ATP7A: variants seen among roughly 807,000 people sequenced by gnomAD.
ATP7A encodes the protein ATPase copper transporting alpha, also known as copper-transporting ATPase 1.
ATP7A carries 7 observed loss-of-function variants against 83.5 expected under a neutral mutation model. That is an observed-to-expected ratio of 0.08 (90% CI 0.05 to 0.16). The LOEUF (loss-of-function observed/expected upper bound fraction) is 0.16, where lower values mean the gene tolerates loss of function less well. Ranked by LOEUF, ATP7A falls within the 10% of genes least tolerant of loss-of-function variation. ATP7A has a pLI of 1.00. For missense variants in ATP7A, 940 were observed against 1,120.8 expected (o/e 0.84, Z 2.30); for synonymous variants, 354 against 395.2 (o/e 0.90, Z 1.24).
chrX:78,011,551 T>C lies in ATP7A; in HGVS notation c.2049T>C (p.His683=). Residue 683 remains histidine, a synonymous_variant, in exon 9 of 23, where the codon CAT becomes CAC. Transcript: ENST00000341514. ...ACCACCACTTTGCAACTCTTCACCA[T>C]AATCAAAACATGAGTAAAGAAGAAA... ...VMDHHFATLH[H]NQNMSKEEMI... 2 of 1,209,170 alleles carry C rather than the reference T, an allele frequency of 1.7e-6. No homozygotes were observed. The highest frequency in any genetic ancestry group is 1.8e-5 in the South Asian group (1 of 56,770).
intron 1 of ATP7A, among the ~76,000 whole-genome samples, chrX:77,958,581 A>T (rs1483286565): frequency 4.5e-5 from 5 of 110,137 alleles, no homozygotes; most frequent in African/African-American, 1.7e-4. Context: ...CTATCTGGGG[A>T]CTTTTGTCAT....
chrX:77,997,494 A>G (rs922629747), intron 4 of ATP7A, among the ~76,000 whole-genome samples: 7 of 112,399 alleles, frequency 6.2e-5, no homozygotes, highest in African/African-American at 1.9e-4. Flanking sequence ...TTTGTCTGCT[A>G]GCTAAATAGA....
intron 5 of ATP7A, 48 bp from the exon 6 acceptor site, chrX:78,003,025 T>G (rs1557233339): frequency 8.9e-7 from 1 of 1,126,136 alleles, no homozygotes; most frequent in Non-Finnish European, 1.2e-6. Context: ...ACATTACTCT[T>G]TTTAAAAAGA....
In ATP7A at chrX:77,919,661, T is replaced by C. The variant is rs142933144; in HGVS notation, c.-22+8826T>C. ...ACACGCCACCCCTGGCTAATTTTTG[T>C]ATTTTTAGTGGAGACGGGGTTTCAC... On this transcript the variant is annotated intron_variant, in intron 1 of 22. Coordinates refer to ENST00000341514, the MANE Select transcript of ATP7A (RefSeq NM_000052.7). Among the ~76,000 whole-genome samples the C allele has an allele frequency of 2.9e-3, 324 of 112,084 alleles. 1 individual carries two copies. Among genetic ancestry groups the C allele is most frequent in the African/African-American group, 0.01 (316 of 30,888 alleles).
chrX:78,042,974 A>G (rs782050637), intron 20 of ATP7A, among the ~76,000 whole-genome samples, 186 bp downstream of exon 20: 79 of 112,477 alleles, frequency 7.0e-4, no homozygotes, highest in Non-Finnish European at 8.8e-4. Flanking sequence ...TTCTCAACCC[A>G]GCTCATAAGC....
intron 2 of ATP7A, among the ~76,000 whole-genome samples, chrX:77,986,759 C>G (rs1158744339): frequency 8.9e-6 from 1 of 111,735 alleles, no homozygotes; most frequent in Non-Finnish European, 1.9e-5. Context: ...CTCTATTGCA[C>G]TACTTTTGCA....
At chrX:78,040,875 T>A in intron 19 of ATP7A, 142 bp downstream of exon 19, 2 of 787,961 alleles carry the variant, frequency 2.5e-6, no homozygotes, top group Non-Finnish European at 3.8e-6. Flanking sequence ...AAATTTACCA[T>A]GCTTTGCTGG....
chrX:77,911,577 C>G (rs1364581870), intron 1 of ATP7A, among the ~76,000 whole-genome samples: 2 of 100,607 alleles, frequency 2.0e-5, no homozygotes, highest in African/African-American at 7.4e-5. Flanking sequence ...TTTTTTTTGC[C>G]GGGTGCGGGG....
chrX:77,968,594 C>T (rs782057262), intron 1 of ATP7A, among the ~76,000 whole-genome samples: 2 of 112,269 alleles, frequency 1.8e-5, no homozygotes, highest in East Asian at 5.6e-4. Flanking sequence ...CACAAAAACC[C>T]AAGTCACTAC....
Position 78,016,827 on chromosome X carries a change from A to G in ATP7A, c.2626+946A>G, listed in dbSNP as rs1557235209. Among the ~76,000 whole-genome samples the G allele has an allele frequency of 2.7e-5, 3 of 112,419 alleles. No homozygotes were observed. In the Admixed American group the frequency reaches 2.8e-4, roughly 11 times the overall value. On this transcript the variant is annotated intron_variant, in intron 12 of 22. Coordinates refer to ENST00000341514, the MANE Select transcript of ATP7A (RefSeq NM_000052.7). ...ATCCACCCCTGTGGCTTTGCAGGGT[A>G]CAGCCCCTGCCACTGGCTGCTTTCA...
chrX:77,919,576 C>T (rs2077201205), intron 1 of ATP7A, among the ~76,000 whole-genome samples: 1 of 112,337 alleles, frequency 8.9e-6, no homozygotes, highest in South Asian at 3.6e-4. Flanking sequence ...CTGCAGCCTC[C>T]GCCTCCCAGG....
chrX:78,049,250 G>A lies in ATP7A; in HGVS notation c.*2680G>A, dbSNP rs1165806974. ...AGAAATTTTATAAATGTGTATTTCT[G>A]TGTATTCACATACATATATATATAC... On this transcript the variant is annotated 3_prime_UTR_variant, in exon 23 of 23. Transcript: ENST00000341514. The A allele has an allele frequency of 6.3e-5, 7 of 111,788 alleles. No homozygotes were observed. Among genetic ancestry groups the A allele is most frequent in the African/African-American group, 9.7e-5 (3 of 30,821 alleles). The allele number at this position is 111,788 out of a possible 1,213,427, so 9.2% of individuals were successfully genotyped here.
At position 78,046,813 on chromosome X, in the gene ATP7A, G is replaced by C; in HGVS notation, c.*243G>C. 5.3e-6 allele frequency: 2 copies of C among 379,247 alleles called. No individual in the cohort carries two copies. Among genetic ancestry groups the C allele is most frequent in the East Asian group, 8.8e-5 (2 of 22,661 alleles). The allele number at this position is 379,247 out of a possible 1,213,427, so 31.3% of individuals were successfully genotyped here. ...TTTCACTAACAACAGATAAGGTAGA[G>C]CAGTGAGGTTTACAACAAGCCCTAC... On this transcript the variant is annotated 3_prime_UTR_variant, in exon 23 of 23. Coordinates refer to ENST00000341514, the MANE Select transcript of ATP7A (RefSeq NM_000052.7).
At chrX:78,021,173 G>A in intron 14 of ATP7A, 94 bp downstream of exon 14, 1 of 958,364 alleles carries the variant, frequency 1.0e-6, no homozygotes, top group Non-Finnish European at 1.5e-6. Flanking sequence ...ATAATTACCA[G>A]GATCTTTAAA....
At chrX:77,922,812 C>T (rs2077222838) in intron 1 of ATP7A, among the ~76,000 whole-genome samples, 2 of 112,010 alleles carry the variant, frequency 1.8e-5, no homozygotes, top group African/African-American at 3.2e-5. Flanking sequence ...TCCCTGAACT[C>T]CTTAAAGCCT....
chrX:77,920,859 C>A (rs2149041893), intron 1 of ATP7A, among the ~76,000 whole-genome samples: 1 of 111,349 alleles, frequency 9.0e-6, no homozygotes, highest in Admixed American at 9.6e-5. Flanking sequence ...GAATTGAGTT[C>A]TAAGTTCTTT....
Position 77,910,788 on chromosome X carries a change from C to T in ATP7A, c.-69C>T, listed in dbSNP as rs1372787407. 1 of 112,154 alleles carries T rather than the reference C, an allele frequency of 8.9e-6. No individual in the cohort carries two copies. The highest frequency in any genetic ancestry group is 1.9e-5 in the Non-Finnish European group (1 of 53,253). 9.2% of individuals were successfully genotyped at this position (112,154 alleles called of 1,213,427 possible). On this transcript the variant is annotated 5_prime_UTR_variant, in exon 1 of 23. Coordinates refer to ENST00000341514, the MANE Select transcript of ATP7A (RefSeq NM_000052.7). ...CCTGCGTACGTGGATTTATCGCTGC[C>T]ACGGTCTGCGTAGCTCCAGAGGTTT...
intron 1 of ATP7A, among the ~76,000 whole-genome samples, chrX:77,921,475 A>G (rs2149042197): frequency 8.9e-6 from 1 of 112,442 alleles, no homozygotes; most frequent in South Asian, 3.6e-4. Context: ...ATCGAATTTC[A>G]AATCTGTCAC....
intron 1 of ATP7A, among the ~76,000 whole-genome samples, chrX:77,953,719 A>G (rs2077425921): frequency 8.9e-6 from 1 of 112,195 alleles, no homozygotes; most frequent in Admixed American, 9.5e-5. Flanking sequence ...TTTTTCAAGC[A>G]TTCTCTCCAC....
Sources: allele counts gnomAD v4.1 joint callset (sites outside exome capture counted in the v4.1 genomes callset), GRCh38; gene constraint gnomAD v4.1.1; transcripts MANE v1.5; gene names NCBI Gene and HGNC (gene_info 2026-07-23, HGNC 2026-07-21).